The following CSMD2 variants were observed in gnomAD, a reference collection of about 807,000 sequenced individuals.
CSMD2 encodes CUB and sushi domain-containing protein 2.
CSMD2 carries 130 observed loss-of-function variants against 398.5 expected under a neutral mutation model. The observed-to-expected ratio is 0.33, with a 90% CI of 0.28 to 0.38. The LOEUF (loss-of-function observed/expected upper bound fraction) is 0.38, where lower values mean the gene tolerates loss of function less well. Ranked by LOEUF, CSMD2 falls within the 10% of genes least tolerant of loss-of-function variation. CSMD2 has a pLI of 1.00. For missense variants in CSMD2, 3,829 were observed against 4,764.9 expected (o/e 0.80, Z 5.78); for synonymous variants, 1,828 against 1,908.5 (o/e 0.96, Z 1.10).
rs1191961124 is a variant in CSMD2, at chr1:33,578,072, A to G, written c.7388-588T>C. ...CACAGCATGGGGCACTCACTGTTCA[A>G]TGCTCAGTAAGTGGTCATTGTCCTT... On this transcript the variant is annotated intron_variant, in intron 48 of 70. Transcript: ENST00000373381. Among the ~76,000 whole-genome samples, 5 of 152,146 alleles carry G rather than the reference A, an allele frequency of 3.3e-5. No individual in the cohort carries two copies. The South Asian group carries it at 6.2e-4, about 19-fold the overall frequency.
chr1:33,920,542 C>CAAAAAAAAAA (rs58865984), intron 4 of CSMD2, among the ~76,000 whole-genome samples: 2 of 84,240 alleles, frequency 2.4e-5, no homozygotes, highest in African/African-American at 7.4e-5. Context: ...CAATCTGTCT[C>CAAAAAAAAAA]AAAAAAAAAA....
intron 3 of CSMD2, among the ~76,000 whole-genome samples, chr1:33,945,052 G>T (rs572200025): frequency 3.7e-4 from 57 of 152,058 alleles, no homozygotes; most frequent in African/African-American, 1.3e-3. Flanking sequence ...ATCCATCATT[G>T]CACCAGAGGG....
At chr1:33,843,725 T>C (rs1300791518) in intron 6 of CSMD2, among the ~76,000 whole-genome samples, 1 of 152,134 alleles carries the variant, frequency 6.6e-6, no homozygotes, top group Non-Finnish European at 1.5e-5. Context: ...TGGCTTCCTG[T>C]TGGATTGGCA....
intron 13 of CSMD2, among the ~76,000 whole-genome samples, chr1:33,754,192 G>A (rs1205679181): frequency 1.3e-5 from 2 of 152,168 alleles, no homozygotes; most frequent in South Asian, 2.1e-4. Context: ...CCTTAATGTT[G>A]GACATGGGGC....
intron 2 of CSMD2, among the ~76,000 whole-genome samples, chr1:34,080,630 C>A: frequency 6.6e-6 from 1 of 152,004 alleles, no homozygotes; most frequent in East Asian, 1.9e-4. Context: ...ATTAGAAACT[C>A]TTTCTAAAAT....
chr1:33,537,288 C>T lies in CSMD2; in HGVS notation c.9805+148G>A. On this transcript the variant is annotated intron_variant, in intron 61 of 70. Coordinates refer to ENST00000373381, the MANE Select transcript of CSMD2 (RefSeq NM_001281956.2). The surrounding 1 kb of genome is among the most constrained non-coding windows in gnomAD (Gnocchi z 4.6). ...AAGCACACTAGCTCTGGCTATTTTA[C>T]ATCCTGCTGCAGAAGCTCAGAGGAT... 1.8e-6 allele frequency: 2 copies of T among 1,109,102 alleles called. No homozygotes were observed. The highest frequency in any genetic ancestry group is 2.4e-5 in the East Asian group (1 of 42,248). The allele number at this position is 1,109,102 out of a possible 1,614,324, so 68.7% of individuals were successfully genotyped here.
chr1:33,741,481 C>T (rs562604294), intron 14 of CSMD2, among the ~76,000 whole-genome samples: 70 of 152,246 alleles, frequency 4.6e-4, no homozygotes, highest in Admixed American at 4.1e-3. Flanking sequence ...GTCTAGGATG[C>T]GGCCCAGATT....
In CSMD2 at chr1:33,550,295, A is replaced by G. The variant is rs374238585; in HGVS notation, c.8799T>C (p.Ser2933=). Residue 2933 remains serine, a synonymous_variant, in exon 56 of 71, where the codon AGT becomes AGC. Transcript: ENST00000373381. ...ACCGCACCACTGCTCCCACAGTATA[A>G]CTGTCTCCAGACATCTGGGAGTGAG... ...SPPHSQMSGD[S]YTVGAVVRYS... is the part of the protein sequence containing the mutation. 3.1e-6 allele frequency: 5 copies of G among 1,614,088 alleles called. No homozygotes were observed. In the African/African-American group the frequency reaches 6.7e-5, roughly 22 times the overall value.
Position 34,032,606 on chromosome 1 carries a change from C to T in CSMD2, c.505G>A (p.Ala169Thr), listed in dbSNP as rs769598793. The change falls in exon 3 of 71, where the codon GCC (alanine) becomes ACC (threonine). Residue 169 changes from alanine (A) to threonine (T), a missense_variant. By Grantham distance (58) the Ala-to-Thr change is moderately conservative. Around this residue, in one of 5 missense-constraint regions of CSMD2, gnomAD observed 4 missense variants for 22.0 expected, o/e 0.18. Transcript: ENST00000373381. ...DYAVSAQGFH[A>T]TYEVLPSHTC... Reference sequence around the variant, plus strand: ...GGGAGGCACTTACCTTCATAGGTGGCGTGGAAGCCTTGGGCACTGACTGCA... The same window carrying T: ...GGGAGGCACTTACCTTCATAGGTGGTGTGGAAGCCTTGGGCACTGACTGCA... 7.6e-6 allele frequency: 12 copies of T among 1,587,210 alleles called. No individual in the cohort carries two copies. The highest frequency in any genetic ancestry group is 6.9e-5 in the East Asian group (3 of 43,776).
intron 28 of CSMD2, among the ~76,000 whole-genome samples, chr1:33,651,470 G>C (rs538085611): frequency 7.4e-4 from 112 of 152,286 alleles, no homozygotes; most frequent in African/African-American, 2.5e-3. Context: ...ATAAAGCCAG[G>C]GTGGGCAGCA....
intron 1 of CSMD2, among the ~76,000 whole-genome samples, chr1:34,137,879 T>G (rs904602045): frequency 3.9e-5 from 6 of 152,196 alleles, no homozygotes; most frequent in African/African-American, 1.4e-4. Context: ...AAGTAATTTG[T>G]CTAAAATCAC....
intron 21 of CSMD2, among the ~76,000 whole-genome samples, chr1:33,713,980 G>T (rs1025411970): frequency 1.3e-5 from 2 of 152,188 alleles, no homozygotes; most frequent in African/African-American, 4.8e-5. Flanking sequence ...CACGAGTGAA[G>T]AATTTCTCTG....
intron 13 of CSMD2, among the ~76,000 whole-genome samples, chr1:33,750,931 G>T (rs976331374): frequency 1.3e-5 from 2 of 152,072 alleles, no homozygotes; most frequent in Admixed American, 1.3e-4. Flanking sequence ...AGAAATGGAA[G>T]ATTTTAGATT....
chr1:33,623,962 G>C (rs2148880462), intron 35 of CSMD2, among the ~76,000 whole-genome samples: 1 of 152,282 alleles, frequency 6.6e-6, no homozygotes, highest in South Asian at 2.1e-4. Context: ...CCTCTGCCTG[G>C]CTCTTACCCC....
At chr1:33,574,089 A>G (rs1174092730) in intron 49 of CSMD2, among the ~76,000 whole-genome samples, 1 of 152,244 alleles carries the variant, frequency 6.6e-6, no homozygotes, top group Non-Finnish European at 1.5e-5. Context: ...GCAAAAAGAT[A>G]GACACTTTCA....
intron 1 of CSMD2, among the ~76,000 whole-genome samples, chr1:34,144,264 C>G (rs1358575449): frequency 6.6e-6 from 1 of 152,134 alleles, no homozygotes; most frequent in African/African-American, 2.4e-5. Context: ...ATTCACCATG[C>G]AGTGTTAGGA....
intron 42 of CSMD2, among the ~76,000 whole-genome samples, chr1:33,604,640 T>C (rs1640460688): frequency 6.6e-6 from 1 of 152,156 alleles, no homozygotes; most frequent in Admixed American, 6.5e-5. Context: ...AGGAAAATGA[T>C]GGGATGCCAG....
At chr1:33,950,941 T>C (rs1558150338) in intron 3 of CSMD2, among the ~76,000 whole-genome samples, 1 of 152,238 alleles carries the variant, frequency 6.6e-6, no homozygotes, top group Non-Finnish European at 1.5e-5. Flanking sequence ...TCACCAAAGA[T>C]AGAAAGCTGT....
intron 70 of CSMD2, among the ~76,000 whole-genome samples, chr1:33,517,373 A>G (rs1296493125): frequency 6.6e-6 from 1 of 152,170 alleles, no homozygotes; most frequent in Admixed American, 6.5e-5. Flanking sequence ...AGGTGACAGC[A>G]TGGCGCACAC....
Sources: allele counts gnomAD v4.1 joint callset (sites outside exome capture counted in the v4.1 genomes callset), GRCh38; gene constraint gnomAD v4.1.1; regional missense constraint gnomAD v4.1.1; non-coding constraint Gnocchi (gnomAD v3.1); transcripts MANE v1.5; gene names NCBI Gene and HGNC (gene_info 2026-07-23, HGNC 2026-07-21).